FRY: variants seen among roughly 807,000 people sequenced by gnomAD.
FRY encodes the protein protein furry homolog.
A neutral mutation model predicts 348.4 loss-of-function variants in FRY; 128 were observed. The observed-to-expected ratio is 0.37, with a 90% CI of 0.32 to 0.43. FRY has a LOEUF of 0.43. Ranked by LOEUF, FRY falls within the 20% of genes least tolerant of loss-of-function variation. The pLI is 1.00. For missense variants in FRY, 2,736 were observed against 3,695.2 expected, an observed-to-expected ratio of 0.74 and a Z score of 6.73; for synonymous variants, 1,370 against 1,374.7, an observed-to-expected ratio of 1.00 and a Z score of 0.08.
At chr13:32,287,572 A>G (rs1428526122) in intron 58 of FRY, among the ~76,000 whole-genome samples, 3 of 152,242 alleles carry the variant, frequency 2.0e-5, no homozygotes, top group Non-Finnish European at 4.4e-5. Flanking sequence ...AAAAGCTTTG[A>G]TTTTTGGTCT....
intron 3 of FRY, among the ~76,000 whole-genome samples, chr13:32,113,515 T>TC (rs1201133024): frequency 6.6e-6 from 1 of 152,134 alleles, no homozygotes; most frequent in East Asian, 1.9e-4. Flanking sequence ...TTCTTCTGTA[T>TC]CCCCCCAAAA....
chr13:32,244,050 G>A lies in FRY; in HGVS notation c.6696G>A (p.Glu2232=), dbSNP rs1593792691. The change falls in exon 47 of 61, where the codon GAG becomes GAA. Residue 2232 remains glutamate, a synonymous_variant. Transcript: ENST00000542859. The part of the protein sequence containing the change: ...NMVTYLAELL[E]KGLPSVQQPL... ...GCACTTTGCCCCCACAGCTGCTGGA[G>A]AAGGGCCTCCCTAGTGTGCAGCAGC... The A allele has an allele frequency of 6.2e-7, 1 of 1,613,992 alleles. No homozygotes were observed. The highest frequency in any genetic ancestry group is 2.2e-5 in the East Asian group (1 of 44,884).
intron 58 of FRY, among the ~76,000 whole-genome samples, chr13:32,279,985 G>A (rs1402913746): frequency 6.6e-6 from 1 of 152,168 alleles, no homozygotes; most frequent in Non-Finnish European, 1.5e-5. Flanking sequence ...TTGAAGTAGA[G>A]GTTGCATTTC....
chr13:32,143,310 A>G lies in FRY; in HGVS notation c.1180-3972A>G, dbSNP rs74945198. Reference sequence around the variant, plus strand: ...TTTAGGAGGCAGTTGCAATGATCTGATATCATCTTGAAATGCTAAAAACCA... The same window carrying G: ...TTTAGGAGGCAGTTGCAATGATCTGGTATCATCTTGAAATGCTAAAAACCA... On this transcript the variant is annotated intron_variant, in intron 11 of 60. Coordinates refer to ENST00000542859, the MANE Select transcript of FRY (RefSeq NM_023037.3). Among the ~76,000 whole-genome samples, 2,844 of 152,336 alleles carry G rather than the reference A, an allele frequency of 0.019. 196 individuals carry two copies. In the East Asian group the frequency reaches 0.22, roughly 12 times the overall value.
At chr13:32,099,771 GA>G (rs761689960) in intron 2 of FRY, among the ~76,000 whole-genome samples, 2 of 151,140 alleles carry the variant, frequency 1.3e-5, no homozygotes, top group African/African-American at 2.4e-5. Flanking sequence ...ACATTTTCTG[GA>G]GTTCTCAAAA....
At chr13:32,050,823 C>T (rs1354222936) in intron 1 of FRY, among the ~76,000 whole-genome samples, 1 of 152,196 alleles carries the variant, frequency 6.6e-6, no homozygotes, top group Non-Finnish European at 1.5e-5. Flanking sequence ...CAGAGGTGCA[C>T]CTAACTCTTC....
intron 32 of FRY, 43 bp from the exon 33 acceptor site, chr13:32,209,542 C>T: frequency 6.2e-7 from 1 of 1,604,792 alleles, no homozygotes; most frequent in Non-Finnish European, 8.5e-7. Context: ...TGCGTCCTTA[C>T]AGTTTTCACA....
intron 1 of FRY, among the ~76,000 whole-genome samples, chr13:32,036,720 T>G (rs1439897196): frequency 1.3e-5 from 2 of 150,564 alleles, no homozygotes; most frequent in Non-Finnish European, 3.0e-5. Flanking sequence ...AATAACCCTG[T>G]GAGTTTAAGT....
chr13:32,198,998 G>A (rs1291547206), intron 29 of FRY, among the ~76,000 whole-genome samples: 1 of 152,312 alleles, frequency 6.6e-6, no homozygotes, highest in Middle Eastern at 3.4e-3. Context: ...AGTGAAAACA[G>A]TCTAAATATC....
intron 49 of FRY, among the ~76,000 whole-genome samples, chr13:32,250,470 T>C (rs1009554111): frequency 6.6e-6 from 1 of 152,180 alleles, no homozygotes; most frequent in African/African-American, 2.4e-5. Flanking sequence ...AGTGACTTCA[T>C]TCTCAGGCAG....
chr13:32,196,472 T>C (rs955167319), intron 29 of FRY, among the ~76,000 whole-genome samples: 2 of 152,214 alleles, frequency 1.3e-5, no homozygotes, highest in African/African-American at 4.8e-5. Context: ...CATTTTTGCA[T>C]AATTAATGTA....
At chr13:32,214,084 A>G (rs922105093) in intron 35 of FRY, among the ~76,000 whole-genome samples, 1 of 152,248 alleles carries the variant, frequency 6.6e-6, no homozygotes, top group South Asian at 2.1e-4. Flanking sequence ...ATGTCTATGA[A>G]TATGCTCTCC....
chr13:32,213,828 T>A (rs1260075880), intron 35 of FRY, among the ~76,000 whole-genome samples: 1 of 152,240 alleles, frequency 6.6e-6, no homozygotes. Context: ...GAGGTTTTAG[T>A]GGTGCCTTTG....
chr13:32,033,954 A>G (rs1036365921), intron 1 of FRY, among the ~76,000 whole-genome samples: 2 of 152,238 alleles, frequency 1.3e-5, no homozygotes, highest in Non-Finnish European at 2.9e-5. Context: ...GTCTGTGTAG[A>G]AGGCAAAGTA....
Position 32,237,812 on chromosome 13 carries a change from C to T in FRY, c.6244C>T (p.Arg2082Ter). 1 of 1,614,134 alleles carries T rather than the reference C, an allele frequency of 6.2e-7. No homozygotes were observed. Among genetic ancestry groups the T allele is most frequent in the Non-Finnish European group, 8.5e-7 (1 of 1,180,018 alleles). ...TATGCCACTCGATAAGGCTGAGAAC[C>T]GAGAAAAGCTTGAGAAACTCCAGGC... is the stretch of plus-strand genomic sequence containing the variant. Reference protein sequence around the residue: ...AHMPLDKAENREKLEKLQAQL... With the variant: ...AHMPLDKAEN The change falls in exon 44 of 61, where the codon CGA becomes TGA. Residue 2082 changes from arginine (R) to a stop codon, truncating the protein, a stop_gained. Transcript: ENST00000542859. LOFTEE classifies it high-confidence loss of function. This position sits in a 1 kb window ranked among gnomAD's most constrained non-coding sequence, Gnocchi z 6.3.
chr13:32,036,865 T>G (rs931592682), intron 1 of FRY, among the ~76,000 whole-genome samples: 11 of 152,134 alleles, frequency 7.2e-5, no homozygotes, highest in African/African-American at 2.7e-4. Context: ...TTTTAATCAC[T>G]CAAAGGACCA....
At chr13:32,218,540 G>A (rs1164246059) in intron 35 of FRY, among the ~76,000 whole-genome samples, 2 of 152,016 alleles carry the variant, frequency 1.3e-5, no homozygotes, top group African/African-American at 2.4e-5. Context: ...TTAGCTGGGT[G>A]TGGTGGTGCA....
chr13:32,264,157 T>G (rs957044941), intron 53 of FRY, among the ~76,000 whole-genome samples: 1 of 152,204 alleles, frequency 6.6e-6, no homozygotes, highest in African/African-American at 2.4e-5. Flanking sequence ...AAATGTATTT[T>G]AATAAGGACT....
chr13:32,221,728 G>T (rs1458353787), intron 36 of FRY, among the ~76,000 whole-genome samples: 1 of 152,162 alleles, frequency 6.6e-6, no homozygotes, highest in Non-Finnish European at 1.5e-5. Context: ...GGCCACACTG[G>T]TCTTGAACTC....
Sources: allele counts gnomAD v4.1 joint callset (sites outside exome capture counted in the v4.1 genomes callset), GRCh38; gene constraint gnomAD v4.1.1; non-coding constraint Gnocchi (gnomAD v3.1); transcripts MANE v1.5; gene names NCBI Gene and HGNC (gene_info 2026-07-23, HGNC 2026-07-21).